CPZ: variants seen among roughly 807,000 people sequenced by gnomAD.
CPZ encodes VEZT/CPZ fusion.
CPZ carries 103 observed loss-of-function variants against 61.8 expected under a neutral mutation model. The observed-to-expected ratio is 1.67, with a 90% CI of 1.42 to 1.96. The LOEUF (loss-of-function observed/expected upper bound fraction) is 1.96, where lower values mean the gene tolerates loss of function less well. Among genes scored for constraint, CPZ ranks in the 30% most tolerant of loss-of-function variants. The pLI, the probability that CPZ is intolerant of heterozygous loss-of-function variation, is 0.00. For synonymous variants in CPZ, 551 were observed against 373.7 expected, an observed-to-expected ratio of 1.47 and a Z score of -5.47; for missense variants, 1,461 against 914.9, an observed-to-expected ratio of 1.60 and a Z score of -7.70.
intron 8 of CPZ, 100 bp downstream of exon 8, chr4:8,612,262 A>C: frequency 9.5e-7 from 1 of 1,048,422 alleles, no homozygotes; most frequent in Non-Finnish European, 1.3e-6. Context: ...GCTGGGATCC[A>C]GCTGGAGAGC....
chr4:8,593,321 G>A (rs990130424), intron 1 of CPZ, among the ~76,000 whole-genome samples: 1 of 152,322 alleles, frequency 6.6e-6, no homozygotes, highest in African/African-American at 2.4e-5. Flanking sequence ...AGTCTCTCTG[G>A]GCTGTGGCAA....
chr4:8,614,235 C>T (rs370498380), intron 8 of CPZ, 124 bp from the exon 9 acceptor site: 41 of 1,357,050 alleles, frequency 3.0e-5, no homozygotes, highest in Middle Eastern at 2.7e-4. Flanking sequence ...CCCGACGTCC[C>T]GGCTGTCTCT....
In CPZ at chr4:8,619,314, T is replaced by G. The variant is rs924282588; in HGVS notation, c.1656T>G (p.Ile552Met). The change falls in exon 11 of 11, where the codon ATT (isoleucine) becomes ATG (methionine). Residue 552 changes from isoleucine to methionine, a missense_variant. By Grantham distance (10) the Ile-to-Met change is conservative (BLOSUM62 1). Transcript: ENST00000360986. ...RLLPPGIHIVIAQAPGYAKVI... is the reference protein window; with the variant it reads ...RLLPPGIHIVMAQAPGYAKVI... ...TGCCCCCAGGTATCCACATTGTCAT[T>G]GCCCAAGCCCCTGGCTACGCCAAAG... The G allele has an allele frequency of 6.2e-7, 1 of 1,614,020 alleles. No individual in the cohort carries two copies. The highest frequency in any genetic ancestry group is 8.5e-7 in the Non-Finnish European group (1 of 1,179,972).
chr4:8,617,128 C>T (rs1192228536), intron 9 of CPZ, among the ~76,000 whole-genome samples: 4 of 152,284 alleles, frequency 2.6e-5, no homozygotes, highest in African/African-American at 2.4e-5. Context: ...TCTGAGCTCA[C>T]GGGCCGCGTG....
Position 8,619,647 on chromosome 4 carries a change from A to G in CPZ, c.*30A>G. On this transcript the variant is annotated 3_prime_UTR_variant, in exon 11 of 11. Transcript: ENST00000360986. Reference sequence around the variant, plus strand: ...GGCCCCAGCACCCGCCAGGATGTGGAGACCGAGGCCCATCTCCGCATCCCG... The same window carrying G: ...GGCCCCAGCACCCGCCAGGATGTGGGGACCGAGGCCCATCTCCGCATCCCG... 1 of 1,461,262 alleles carries G rather than the reference A, an allele frequency of 6.8e-7. No individual in the cohort carries two copies. Among genetic ancestry groups the G allele is most frequent in the Non-Finnish European group, 9.0e-7 (1 of 1,105,506 alleles). 90.5% of individuals were successfully genotyped at this position (1,461,262 alleles called of 1,614,324 possible). A position where few individuals can be genotyped will look rare whatever the true frequency, so the allele number is the denominator to read the frequency against.
In CPZ at chr4:8,614,538, C is replaced by T. The variant is rs373330936; in HGVS notation, c.1503+40C>T. 1.3e-5 allele frequency: 21 copies of T among 1,601,490 alleles called. No individual in the cohort carries two copies. In the African/African-American group the frequency reaches 2.5e-4, roughly 19 times the overall value. Reference sequence around the variant, plus strand: ...TCTCAGGGCTCTGGTCCAGCTGTGGCCTGGGTGGGGTGGGTCACATTCAGG... The same window carrying T: ...TCTCAGGGCTCTGGTCCAGCTGTGGTCTGGGTGGGGTGGGTCACATTCAGG... On this transcript the variant is annotated intron_variant, in intron 9 of 10. Transcript: ENST00000360986.
At chr4:8,619,189 TATCC>T in intron 10 of CPZ, 69 bp from the exon 11 acceptor site, 2 of 1,339,548 alleles carry the variant, frequency 1.5e-6, no homozygotes, top group Non-Finnish European at 2.1e-6. Context: ...TCCCCACTCA[TATCC>T]ATCACCCATC....
At chr4:8,605,863 C>G in intron 4 of CPZ, 126 bp from the exon 5 acceptor site, 1 of 938,406 alleles carries the variant, frequency 1.1e-6, no homozygotes, top group Middle Eastern at 2.2e-4. Flanking sequence ...TACAGAGGTT[C>G]TTGAGTCAAA....
intron 9 of CPZ, chr4:8,618,175 C>A: frequency 2.0e-6 from 1 of 501,392 alleles, no homozygotes; most frequent in Non-Finnish European, 3.6e-6. Flanking sequence ...GTCAGCCAGG[C>A]CTCGGGTGAG....
chr4:8,605,610 C>G (rs1430028267), intron 4 of CPZ, among the ~76,000 whole-genome samples: 2 of 146,854 alleles, frequency 1.4e-5, no homozygotes, highest in Non-Finnish European at 3.0e-5. Flanking sequence ...ATCCATCCAT[C>G]CATCCATCCA....
At chr4:8,600,474 C>A (rs1039847907) in intron 2 of CPZ, among the ~76,000 whole-genome samples, 1 of 152,308 alleles carries the variant, frequency 6.6e-6, no homozygotes. Flanking sequence ...CAGCTCCCGA[C>A]GGGGCTGGAG....
rs1323235754 is a variant in CPZ, at chr4:8,607,424, A to T, written c.1226A>T (p.Lys409Met). ...ATGTTTTCTCCCACGCCCGACGAGA[A>T]GGTGAGAGGGCTGTCGGGTGTGTGC... ...EKMFSPTPDEKMFKLLSRAYA... is the reference protein window; with the variant it reads ...EKMFSPTPDEMMFKLLSRAYA... Residue 409 changes from lysine (K) to methionine (M), a missense_variant and splice_region_variant, in exon 7 of 11, where the codon AAG (lysine) becomes ATG (methionine). Coordinates refer to ENST00000360986, the MANE Select transcript of CPZ (RefSeq NM_001014447.3). 1 of 1,613,708 alleles carries T rather than the reference A, an allele frequency of 6.2e-7. No individual in the cohort carries two copies. The highest frequency in any genetic ancestry group is 8.5e-7 in the Non-Finnish European group (1 of 1,179,876).
At chr4:8,617,314 A>C (rs1716260754) in intron 9 of CPZ, among the ~76,000 whole-genome samples, 1 of 152,034 alleles carries the variant, frequency 6.6e-6, no homozygotes, top group South Asian at 2.1e-4. Context: ...TCTGAAGTGA[A>C]CAGTCACTAC....
chr4:8,619,246 A>C lies in CPZ; in HGVS notation c.1604-16A>C. 6.3e-7 allele frequency: 1 copy of C among 1,588,744 alleles called. No individual in the cohort carries two copies. Among genetic ancestry groups the C allele is most frequent in the East Asian group, 2.3e-5 (1 of 43,058 alleles). ...GCAGTCCTCGTGAGAATCATTTTTA[A>C]TCTATTTGTCCACAGCCCCAGATGG... On this transcript the variant is annotated splice_polypyrimidine_tract_variant and intron_variant, in intron 10 of 10. Transcript: ENST00000360986.
At chr4:8,595,380 G>A (rs2109309709) in intron 1 of CPZ, among the ~76,000 whole-genome samples, 1 of 152,292 alleles carries the variant, frequency 6.6e-6, no homozygotes, top group East Asian at 1.9e-4. Context: ...TTGGGGTGGG[G>A]AAGCAATGGT....
chr4:8,617,766 T>C (rs1278755106), intron 9 of CPZ, among the ~76,000 whole-genome samples: 1 of 152,146 alleles, frequency 6.6e-6, no homozygotes, highest in Non-Finnish European at 1.5e-5. Flanking sequence ...CCACGTTGTT[T>C]TCTGCTGACT....
intron 1 of CPZ, among the ~76,000 whole-genome samples, chr4:8,593,653 G>A (rs1347081197): frequency 4.6e-5 from 7 of 152,152 alleles, no homozygotes; most frequent in Non-Finnish European, 1.0e-4. Flanking sequence ...TCCTGCGGGA[G>A]TGGGGCCGTG....
chr4:8,609,366 A>T (rs952249467), intron 7 of CPZ, among the ~76,000 whole-genome samples: 12 of 151,256 alleles, frequency 7.9e-5, no homozygotes, highest in Non-Finnish European at 1.6e-4. Flanking sequence ...TTCACTCACA[A>T]ACTCATTCAC....
intron 6 of CPZ, 45 bp from the exon 7 acceptor site, chr4:8,607,222 G>C (rs1009745026): frequency 1.8e-5 from 28 of 1,597,708 alleles, no homozygotes; most frequent in Non-Finnish European, 2.2e-5. Flanking sequence ...CTGCGGGCCA[G>C]TGGGAAAGCC....
Sources: allele counts gnomAD v4.1 joint callset (sites outside exome capture counted in the v4.1 genomes callset), GRCh38; gene constraint gnomAD v4.1.1; transcripts MANE v1.5; gene names NCBI Gene and HGNC (gene_info 2026-07-23, HGNC 2026-07-21).